Variants in POC1A observed in about 807,000 individuals in gnomAD.
POC1A encodes the protein POC1 centriolar protein homolog A.
Under a neutral mutation model 47.8 loss-of-function variants are expected in POC1A, and 34 were observed. That is an observed-to-expected ratio of 0.71 (90% CI 0.54 to 0.95). The LOEUF (loss-of-function observed/expected upper bound fraction) is 0.95, where lower values mean the gene tolerates loss of function less well. Ranked by LOEUF, POC1A falls within the 40% of genes least tolerant of loss-of-function variation. The pLI is 0.00. For missense variants in POC1A, 466 were observed against 528.3 expected, an observed-to-expected ratio of 0.88 and a Z score of 1.16; for synonymous variants, 177 against 207.6, an observed-to-expected ratio of 0.85 and a Z score of 1.27.
chr3:52,118,671 G>A (rs999747730), intron 9 of POC1A, among the ~76,000 whole-genome samples: 10 of 152,310 alleles, frequency 6.6e-5, no homozygotes, highest in African/African-American at 2.2e-4. Context: ...CGACTGCTAC[G>A]CTGGAATGGG....
chr3:52,118,727 T>C (rs926370987), intron 9 of POC1A, among the ~76,000 whole-genome samples: 5 of 152,228 alleles, frequency 3.3e-5, no homozygotes, highest in African/African-American at 4.8e-5. Flanking sequence ...ATGGGCTTCC[T>C]AGATTCCCCA....
At chr3:52,149,676 G>T in intron 3 of POC1A, 140 bp downstream of exon 3, 1 of 821,468 alleles carries the variant, frequency 1.2e-6, no homozygotes. Context: ...TGCAGCCCCA[G>T]CCTCTGATGG....
At chr3:52,132,444 T>C (rs1172587284) in intron 7 of POC1A, among the ~76,000 whole-genome samples, 1 of 152,014 alleles carries the variant, frequency 6.6e-6, no homozygotes, top group Non-Finnish European at 1.5e-5. Context: ...GCTGAACATA[T>C]CCCAGCACTT....
chr3:52,086,359 T>C (rs957201159), intron 10 of POC1A, among the ~76,000 whole-genome samples: 1 of 152,190 alleles, frequency 6.6e-6, no homozygotes, highest in African/African-American at 2.4e-5. Context: ...ATTGCAGAGA[T>C]GAAAAATGTT....
chr3:52,150,297 C>A (rs1038036820), intron 2 of POC1A, among the ~76,000 whole-genome samples: 5 of 152,156 alleles, frequency 3.3e-5, no homozygotes, highest in Non-Finnish European at 5.9e-5. Flanking sequence ...GGGTCTCCCC[C>A]CAGACACATC....
chr3:52,123,610 G>C (rs182600846), intron 8 of POC1A, among the ~76,000 whole-genome samples: 1 of 152,312 alleles, frequency 6.6e-6, no homozygotes, highest in Non-Finnish European at 1.5e-5. Context: ...CTTAGAAACA[G>C]AATGTTAGCA....
intron 9 of POC1A, among the ~76,000 whole-genome samples, chr3:52,109,698 G>A (rs1703314900): frequency 6.6e-6 from 1 of 152,070 alleles, no homozygotes; most frequent in South Asian, 2.1e-4. Flanking sequence ...GCCCCTGATG[G>A]CAACGAGTAC....
chr3:52,125,207 C>T (rs1452235632), intron 7 of POC1A, 26 bp from the exon 8 acceptor site: 5 of 1,573,412 alleles, frequency 3.2e-6, no homozygotes, highest in African/African-American at 1.4e-5. Flanking sequence ...AAAAATAACA[C>T]ACATCAAAGG....
intron 9 of POC1A, among the ~76,000 whole-genome samples, chr3:52,097,674 A>G (rs760213024): frequency 6.6e-6 from 1 of 152,202 alleles, no homozygotes; most frequent in Non-Finnish European, 1.5e-5. Context: ...ATAGATCACA[A>G]ACTTTCAAGG....
chr3:52,078,262 C>T (rs766491598), intron 10 of POC1A, among the ~76,000 whole-genome samples: 1 of 152,012 alleles, frequency 6.6e-6, no homozygotes, highest in African/African-American at 2.4e-5. Context: ...TCCCAGCACA[C>T]GTGATCCCAG....
intron 8 of POC1A, among the ~76,000 whole-genome samples, chr3:52,124,710 T>C (rs908964005): frequency 2.0e-5 from 3 of 152,158 alleles, no homozygotes; most frequent in African/African-American, 7.2e-5. Flanking sequence ...GAGAATTAAA[T>C]GAGGTATGAA....
chr3:52,113,595 A>G (rs1477291086), intron 9 of POC1A, among the ~76,000 whole-genome samples: 1 of 152,174 alleles, frequency 6.6e-6, no homozygotes, highest in Non-Finnish European at 1.5e-5. Context: ...CCAGCTACTC[A>G]GGTGGCTGAG....
chr3:52,101,821 G>C (rs1033173841), intron 9 of POC1A, among the ~76,000 whole-genome samples: 1 of 152,074 alleles, frequency 6.6e-6, no homozygotes, highest in Non-Finnish European at 1.5e-5. Flanking sequence ...CAAATTTGCT[G>C]GTAAAAAATT....
intron 6 of POC1A, among the ~76,000 whole-genome samples, chr3:52,142,330 C>T (rs1456232969): frequency 6.6e-6 from 1 of 152,220 alleles, no homozygotes; most frequent in Non-Finnish European, 1.5e-5. Context: ...CCCAGGGCTC[C>T]ACCAGCCCAA....
At chr3:52,142,641 G>A (rs1698234956) in intron 6 of POC1A, among the ~76,000 whole-genome samples, 1 of 152,206 alleles carries the variant, frequency 6.6e-6, no homozygotes, top group African/African-American at 2.4e-5. Flanking sequence ...GGCCATTCTG[G>A]AAGTGCCTGA....
At chr3:52,131,989 C>T (rs1156556788) in intron 7 of POC1A, among the ~76,000 whole-genome samples, 1 of 152,122 alleles carries the variant, frequency 6.6e-6, no homozygotes, top group African/African-American at 2.4e-5. Context: ...ACCATGTCCA[C>T]AACAGAAACT....
chr3:52,075,934 G>C lies in POC1A; in HGVS notation c.1177C>G (p.Gln393Glu). 1 of 1,614,018 alleles carries C rather than the reference G, an allele frequency of 6.2e-7. No homozygotes were observed. Among genetic ancestry groups the C allele is most frequent in the Middle Eastern group, 1.7e-4 (1 of 6,060 alleles). The part of the protein sequence containing the change: ...RLTLTEDKLK[Q>E]CLENQQLIMQ... ...ATTAGCTGCTGGTTCTCCAGACACTGCTTCAGCTTGTCTTCTGTCAGTGTC... is the reference window on the plus strand; with the variant it reads ...ATTAGCTGCTGGTTCTCCAGACACTCCTTCAGCTTGTCTTCTGTCAGTGTC... Residue 393 changes from glutamine to glutamate, a missense_variant, in exon 11 of 11, where the codon CAG (glutamine) becomes GAG (glutamate). Physicochemically the swap from Gln to Glu is conservative, Grantham distance 29. Transcript: ENST00000296484.
At chr3:52,105,275 A>T (rs1703138510) in intron 9 of POC1A, among the ~76,000 whole-genome samples, 1 of 152,266 alleles carries the variant, frequency 6.6e-6, no homozygotes, top group African/African-American at 2.4e-5. Context: ...GAAGAAATGG[A>T]CACAAACACA....
At chr3:52,085,109 G>A (rs1029173294) in intron 10 of POC1A, among the ~76,000 whole-genome samples, 2 of 152,176 alleles carry the variant, frequency 1.3e-5, no homozygotes, top group African/African-American at 4.8e-5. Flanking sequence ...TGAACACACA[G>A]GACCATGCTG....
Sources: gnomAD v4.1 joint callset for allele counts (sites outside exome capture counted in the v4.1 genomes callset) on GRCh38, gnomAD v4.1.1 for gene constraint, MANE v1.5 for transcripts, NCBI Gene and HGNC (gene_info 2026-07-23, HGNC 2026-07-21) for gene names.